RC3H1: variants seen among roughly 807,000 people sequenced by gnomAD.
The protein encoded by RC3H1 is ring finger and CCCH-type domains 1.
RC3H1 carries 50 observed loss-of-function variants against 138.2 expected under a neutral mutation model. That is an observed-to-expected ratio of 0.36 (90% CI 0.29 to 0.46). The LOEUF is 0.46. Among genes scored for constraint, RC3H1 ranks in the 20% least tolerant of loss-of-function variants. The pLI, the probability that RC3H1 is intolerant of heterozygous loss-of-function variation, is 1.00. For synonymous variants in RC3H1, 462 were observed against 489.1 expected (o/e 0.94, Z 0.73); for missense variants, 1,031 against 1,388.1 (o/e 0.74, Z 4.09).
chr1:173,983,705 C>T, intron 3 of RC3H1, 48 bp from the exon 4 acceptor site: 1 of 1,598,996 alleles, frequency 6.3e-7, no homozygotes, highest in Non-Finnish European at 8.5e-7. Context: ...TGCAATTTTA[C>T]AGTCCAGGAG....
chr1:173,961,957 G>T lies in RC3H1; in HGVS notation c.1970C>A (p.Thr657Lys), dbSNP rs1236485269. The T allele has an allele frequency of 6.2e-7, 1 of 1,614,026 alleles. No individual in the cohort carries two copies. Among genetic ancestry groups the T allele is most frequent in the Non-Finnish European group, 8.5e-7 (1 of 1,180,026 alleles). ...QERVVNSQYG[T>K]QPQQYPPIYP... ...TATAGGTGGGTACTGCTGTGGCTGT[G>T]TGCCATACTGAGAGTTTACAACACG... Residue 657 changes from threonine to lysine, a missense_variant, in exon 12 of 20, where the codon ACA becomes AAA. This residue lies in a region of RC3H1 where 716 missense variants were observed against 837.9 expected (regional missense o/e 0.85). Coordinates refer to ENST00000367696, the MANE Select transcript of RC3H1 (RefSeq NM_172071.4).
intron 11 of RC3H1, among the ~76,000 whole-genome samples, chr1:173,963,129 T>C (rs1557930923): frequency 6.6e-6 from 1 of 152,204 alleles, no homozygotes; most frequent in Non-Finnish European, 1.5e-5. Flanking sequence ...TCTCCATACC[T>C]GGTATTATCA....
intron 1 of RC3H1, among the ~76,000 whole-genome samples, chr1:174,005,620 A>G (rs1413462080): frequency 2.6e-5 from 4 of 152,158 alleles, no homozygotes; most frequent in Non-Finnish European, 4.4e-5. Context: ...ACATGCCTAA[A>G]TTTGGCTCCT....
intron 4 of RC3H1, 59 bp downstream of exon 4, chr1:173,983,359 T>C: frequency 6.3e-7 from 1 of 1,587,072 alleles, no homozygotes; most frequent in Non-Finnish European, 8.6e-7. Flanking sequence ...TCACTTATAA[T>C]TCCTACATCA....
rs1660394824 is a variant in RC3H1, at chr1:173,972,372, G to GT, written c.1221+136dup. ...GTTAACCATGCCAAGGTAATTTACA[G>GT]TTTCTATACTCAGAGTCTCAAAATG... On this transcript the variant is annotated intron_variant, in intron 8 of 19. Coordinates refer to ENST00000367696, the MANE Select transcript of RC3H1 (RefSeq NM_172071.4). The GT allele has an allele frequency of 7.0e-5, 44 of 626,984 alleles. No individual in the cohort carries two copies. In the South Asian group the frequency reaches 8.8e-4, roughly 13 times the overall value. The allele number at this position is 626,984 out of a possible 1,614,324, so 38.8% of individuals were successfully genotyped here. A position where few individuals can be genotyped will look rare whatever the true frequency, so the allele number is the denominator to read the frequency against.
At position 173,935,111 on chromosome 1, in the gene RC3H1, C is replaced by A. The variant is rs1199548289; in HGVS notation, c.*3610G>T. The A allele has an allele frequency of 1.3e-5, 2 of 152,130 alleles. No homozygotes were observed. The highest frequency in any genetic ancestry group is 3.8e-4 in the East Asian group (2 of 5,202). 9.4% of individuals were successfully genotyped at this position (152,130 alleles called of 1,614,324 possible). The stretch of plus-strand genomic sequence containing the variant: ...CTTATCAATATCTAGAATACTACTA[C>A]TAGAAATCTAGCTAACTCTTCTTTT... On this transcript the variant is annotated 3_prime_UTR_variant, in exon 20 of 20. Coordinates refer to ENST00000367696, the MANE Select transcript of RC3H1 (RefSeq NM_172071.4).
Position 173,981,013 on chromosome 1 carries a change from A to C in RC3H1, c.769-4T>G. Reference sequence around the variant, plus strand: ...AGTCTTCATCACGTTTGGTGACCTAATAAGACACAAATAATCTCATAATGA... The same window carrying C: ...AGTCTTCATCACGTTTGGTGACCTACTAAGACACAAATAATCTCATAATGA... On this transcript the variant is annotated splice_polypyrimidine_tract_variant and splice_region_variant and intron_variant, in intron 5 of 19. Transcript: ENST00000367696. The C allele has an allele frequency of 6.2e-7, 1 of 1,612,668 alleles. No homozygotes were observed. Among genetic ancestry groups the C allele is most frequent in the Non-Finnish European group, 8.5e-7 (1 of 1,179,022 alleles).
chr1:173,969,055 C>T (rs1660240008), intron 9 of RC3H1, among the ~76,000 whole-genome samples: 1 of 151,676 alleles, frequency 6.6e-6, no homozygotes, highest in Admixed American at 6.6e-5. Context: ...GACGGGGTTT[C>T]ACAATGTTGG....
At chr1:173,982,434 C>G (rs1030598574) in intron 5 of RC3H1, among the ~76,000 whole-genome samples, 2 of 152,056 alleles carry the variant, frequency 1.3e-5, no homozygotes, top group African/African-American at 4.8e-5. Flanking sequence ...TCTCTTCAGA[C>G]CAATTCTGCA....
At chr1:173,944,676 A>C (rs1407034163) in intron 17 of RC3H1, among the ~76,000 whole-genome samples, 2 of 152,280 alleles carry the variant, frequency 1.3e-5, no homozygotes, top group Admixed American at 1.3e-4. Context: ...AAAGATTGCC[A>C]TAAGCAAACA....
intron 17 of RC3H1, among the ~76,000 whole-genome samples, chr1:173,944,500 T>C (rs922576289): frequency 6.6e-6 from 1 of 152,196 alleles, no homozygotes; most frequent in East Asian, 1.9e-4. Flanking sequence ...CACACCAACA[T>C]GGCACATGTA....
intron 12 of RC3H1, 123 bp downstream of exon 12, chr1:173,961,602 A>G (rs1195945059): frequency 9.8e-7 from 1 of 1,023,482 alleles, no homozygotes; most frequent in African/African-American, 1.6e-5. Context: ...AGATTTAAAA[A>G]AAAAAGAAGC....
chr1:173,973,720 A>G (rs1660460198), intron 7 of RC3H1, among the ~76,000 whole-genome samples: 1 of 152,194 alleles, frequency 6.6e-6, no homozygotes, highest in African/African-American at 2.4e-5. Context: ...AGATGTAGAG[A>G]TAACTTCTTG....
At chr1:173,962,352 G>C (rs894736627) in intron 11 of RC3H1, among the ~76,000 whole-genome samples, 2 of 151,996 alleles carry the variant, frequency 1.3e-5, no homozygotes, top group African/African-American at 4.8e-5. Flanking sequence ...CCTCTTTCTG[G>C]TGTGTCTTAA....
Position 173,983,182 on chromosome 1 carries a change from C to A in RC3H1, c.592+236G>T. On this transcript the variant is annotated intron_variant, in intron 4 of 19. Transcript: ENST00000367696. ...TACAGGTGTGAAAAAAAGGAAAAAT[C>A]AAAAAATTAAAAAAAGAAACAACTT... 8 of 529,730 alleles carry A rather than the reference C, an allele frequency of 1.5e-5. No individual in the cohort carries two copies. In the South Asian group the frequency reaches 1.6e-4, roughly 10 times the overall value. 32.8% of individuals were successfully genotyped at this position (529,730 alleles called of 1,614,324 possible).
At chr1:173,944,592 A>G (rs1287105531) in intron 17 of RC3H1, among the ~76,000 whole-genome samples, 2 of 152,164 alleles carry the variant, frequency 1.3e-5, no homozygotes, top group Admixed American at 1.3e-4. Flanking sequence ...AACAAACAAA[A>G]AACCATGCAT....
intron 1 of RC3H1, among the ~76,000 whole-genome samples, chr1:173,994,913 T>C (rs747956266): frequency 3.3e-5 from 5 of 151,284 alleles, no homozygotes; most frequent in Admixed American, 1.3e-4. Context: ...GTACTAACGA[T>C]AAAAAAAAGA....
In RC3H1 at chr1:173,931,441, T is replaced by C. The variant is rs1658373863; in HGVS notation, c.*7280A>G. The C allele has an allele frequency of 6.6e-6, 1 of 152,236 alleles. No homozygotes were observed. The highest frequency in any genetic ancestry group is 2.1e-4 in the South Asian group (1 of 4,832). 9.4% of individuals were successfully genotyped at this position (152,236 alleles called of 1,614,324 possible). A position where few individuals can be genotyped will look rare whatever the true frequency, so the allele number is the denominator to read the frequency against. ...AAATAGCATTTTAACAAAATGGGCATCTTTGATATAAACATGCACACAAAT... is the reference window on the plus strand; with the variant it reads ...AAATAGCATTTTAACAAAATGGGCACCTTTGATATAAACATGCACACAAAT... On this transcript the variant is annotated 3_prime_UTR_variant, in exon 20 of 20. Coordinates refer to ENST00000367696, the MANE Select transcript of RC3H1 (RefSeq NM_172071.4).
intron 19 of RC3H1, among the ~76,000 whole-genome samples, chr1:173,939,709 C>A (rs750498137): frequency 1.3e-5 from 2 of 151,506 alleles, no homozygotes; most frequent in Non-Finnish European, 2.9e-5. Flanking sequence ...GTGGCACGCG[C>A]CTGTAGTCCC....
Sources: allele counts gnomAD v4.1 joint callset (sites outside exome capture counted in the v4.1 genomes callset), GRCh38; gene constraint gnomAD v4.1.1; regional missense constraint gnomAD v4.1.1; transcripts MANE v1.5; gene names NCBI Gene and HGNC (gene_info 2026-07-23, HGNC 2026-07-21).